ZMYM2: variants seen among roughly 807,000 people sequenced by gnomAD.
ZMYM2 encodes zinc finger MYM-type containing 2.
Under a neutral mutation model 162.8 loss-of-function variants are expected in ZMYM2, and 56 were observed. The observed-to-expected ratio is 0.34, with a 90% confidence interval of 0.28 to 0.43. The LOEUF is 0.43. ZMYM2 is among the 20% of genes least tolerant of loss of function. ZMYM2 has a pLI of 1.00. For missense variants in ZMYM2, 1,275 were observed against 1,621.8 expected (o/e 0.79, Z 3.67); for synonymous variants, 510 against 541.6 (o/e 0.94, Z 0.81).
chr13:20,037,659 A>G (rs1396465633), intron 12 of ZMYM2, among the ~76,000 whole-genome samples: 1 of 152,190 alleles, frequency 6.6e-6, no homozygotes, highest in African/African-American at 2.4e-5. Flanking sequence ...TTTAAAATTG[A>G]AAAGAACACT....
intron 2 of ZMYM2, among the ~76,000 whole-genome samples, chr13:19,967,472 T>A (rs1379185757): frequency 6.6e-6 from 1 of 152,192 alleles, no homozygotes; most frequent in Non-Finnish European, 1.5e-5. Flanking sequence ...GCCCTGCTCA[T>A]GAAGGGAGTT....
chr13:20,022,887 T>C (rs1191409069), intron 7 of ZMYM2, among the ~76,000 whole-genome samples: 1 of 152,206 alleles, frequency 6.6e-6, no homozygotes, highest in Non-Finnish European at 1.5e-5. Flanking sequence ...ATTCTCAGAA[T>C]GTTATTAAAT....
At chr13:20,027,383 A>T in intron 9 of ZMYM2, 65 bp downstream of exon 9, 1 of 1,236,936 alleles carries the variant, frequency 8.1e-7, no homozygotes, top group Non-Finnish European at 1.1e-6. Context: ...AATCAGTGTA[A>T]TATAATATGC....
At chr13:20,084,493 GTGTTATA>G (rs1402193860) in intron 24 of ZMYM2, among the ~76,000 whole-genome samples, 2 of 152,198 alleles carry the variant, frequency 1.3e-5, no homozygotes, top group African/African-American at 4.8e-5. Context: ...GCATGTGGCT[GTGTTATA>G]ATAAAACTTC....
At chr13:19,904,619 G>A in the ZMYM2 span, among the ~76,000 whole-genome samples, 1 of 151,972 alleles carries the variant, frequency 6.6e-6, no homozygotes, top group Non-Finnish European at 1.5e-5. Context: ...CAAACCAAAA[G>A]GTATAGCAAC....
intron 2 of ZMYM2, among the ~76,000 whole-genome samples, chr13:19,982,281 C>CTTTT (rs56165263): frequency 0.02 from 1,697 of 86,090 alleles, 99 homozygotes; most frequent in African/African-American, 0.037. Flanking sequence ...TATTAGCTGT[C>CTTTT]TTTTTTTTTT....
the ZMYM2 span, among the ~76,000 whole-genome samples, chr13:19,879,583 T>A: frequency 6.6e-6 from 1 of 152,114 alleles, no homozygotes; most frequent in Non-Finnish European, 1.5e-5. Context: ...AGGAAGCGAG[T>A]CTTTCCATTT....
the ZMYM2 span, among the ~76,000 whole-genome samples, chr13:19,873,726 G>A: frequency 1.3e-5 from 2 of 151,680 alleles, no homozygotes; most frequent in African/African-American, 4.8e-5. Context: ...TTTTAAACAT[G>A]TTCCTCTGGT....
intron 2 of ZMYM2, among the ~76,000 whole-genome samples, chr13:19,961,088 C>G (rs1221430854): frequency 6.6e-6 from 1 of 151,260 alleles, no homozygotes; most frequent in Non-Finnish European, 1.5e-5. Context: ...GTATTGAGCC[C>G]TTATTGTATG....
intron 2 of ZMYM2, among the ~76,000 whole-genome samples, chr13:19,963,133 C>T (rs570165264): frequency 1.3e-5 from 2 of 152,248 alleles, no homozygotes; most frequent in South Asian, 2.1e-4. Context: ...GCCACCGTGC[C>T]GGCCTGCATG....
intron 2 of ZMYM2, among the ~76,000 whole-genome samples, chr13:19,981,049 A>T (rs1247371458): frequency 6.6e-6 from 1 of 152,168 alleles, no homozygotes; most frequent in Non-Finnish European, 1.5e-5. Context: ...AGGTGGGAAG[A>T]TCACTTAGGG....
intron 6 of ZMYM2, among the ~76,000 whole-genome samples, chr13:20,010,050 A>T (rs556948599): frequency 9.2e-5 from 14 of 152,066 alleles, no homozygotes; most frequent in Non-Finnish European, 2.1e-4. Context: ...TGTTTTCTCT[A>T]TATCTTTGCC....
In ZMYM2 at chr13:20,083,779, G is replaced by C. The variant is rs1386881849; in HGVS notation, c.3941+3G>C. The stretch of plus-strand genomic sequence containing the variant: ...TTTGAATGCTACTTGTCTAAAAGGT[G>C]AGTGTTAATGATACTTAACTTTTAA... On this transcript the variant is annotated splice_donor_region_variant and intron_variant, in intron 24 of 24. Coordinates refer to ENST00000610343, the MANE Select transcript of ZMYM2 (RefSeq NM_197968.4). The C allele has an allele frequency of 6.2e-7, 1 of 1,600,148 alleles. No individual in the cohort carries two copies. The highest frequency in any genetic ancestry group is 1.3e-5 in the African/African-American group (1 of 74,792).
chr13:20,015,968 A>T (rs745623650), intron 6 of ZMYM2, among the ~76,000 whole-genome samples: 1 of 152,038 alleles, frequency 6.6e-6, no homozygotes, highest in Non-Finnish European at 1.5e-5. Context: ...GAAAAAAATG[A>T]TGCCTTTTGA....
chr13:19,891,610 CAAAAAA>C, the ZMYM2 span, among the ~76,000 whole-genome samples: 1 of 71,280 alleles, frequency 1.4e-5, no homozygotes, highest in East Asian at 4.1e-4. Context: ...ATCACCTTTA[CAAAAAA>C]AAAAAAAAAA....
intron 6 of ZMYM2, among the ~76,000 whole-genome samples, chr13:20,018,688 T>C (rs540681527): frequency 3.3e-5 from 5 of 152,352 alleles, no homozygotes; most frequent in South Asian, 2.1e-4. Flanking sequence ...TTGACTTTCA[T>C]GGAAAGCAGG....
chr13:19,960,673 C>A (rs1375503844), intron 2 of ZMYM2, among the ~76,000 whole-genome samples: 1 of 152,154 alleles, frequency 6.6e-6, no homozygotes, highest in African/African-American at 2.4e-5. Context: ...ACTTAACGAT[C>A]ATTTTTGAAT....
intron 12 of ZMYM2, among the ~76,000 whole-genome samples, chr13:20,046,357 G>A (rs1954778825): frequency 6.6e-6 from 1 of 151,292 alleles, no homozygotes; most frequent in Admixed American, 6.6e-5. Context: ...GTCCAGCCTG[G>A]GCAATACAGC....
chr13:20,016,881 A>G (rs935351556), intron 6 of ZMYM2, among the ~76,000 whole-genome samples: 2 of 152,236 alleles, frequency 1.3e-5, no homozygotes, highest in Non-Finnish European at 2.9e-5. Context: ...TCTGTTATCA[A>G]ATATGGCAAG....
Sources: allele counts gnomAD v4.1 joint callset (sites outside exome capture counted in the v4.1 genomes callset), GRCh38; gene constraint gnomAD v4.1.1; transcripts MANE v1.5; gene names NCBI Gene and HGNC (gene_info 2026-07-23, HGNC 2026-07-21).